TMIGD1: variants seen among roughly 807,000 people sequenced by gnomAD.
TMIGD1 encodes transmembrane and immunoglobulin domain-containing protein 1.
Under a neutral mutation model 27.5 loss-of-function variants are expected in TMIGD1, and 29 were observed. The ratio of observed to expected loss-of-function variants is 1.05; its 90% CI spans 0.78 to 1.44. The LOEUF (loss-of-function observed/expected upper bound fraction) is 1.44. Among genes scored for constraint, TMIGD1 ranks in the 40% most tolerant of loss-of-function variants. The pLI is 0.00. For missense variants in TMIGD1, 334 were observed against 310.6 expected (o/e 1.08, Z -0.57); for synonymous variants, 109 against 110.3 (o/e 0.99, Z 0.07).
intron 4 of TMIGD1, among the ~76,000 whole-genome samples, chr17:30,322,903 G>A (rs892246006): frequency 2.0e-5 from 3 of 152,198 alleles, no homozygotes; most frequent in Non-Finnish European, 2.9e-5. Context: ...GGGCATGGTG[G>A]TTCATGCCTG....
chr17:30,326,580 T>C (rs948674387), intron 3 of TMIGD1, among the ~76,000 whole-genome samples: 2 of 152,234 alleles, frequency 1.3e-5, no homozygotes, highest in Non-Finnish European at 2.9e-5. Flanking sequence ...AGATCTAGCT[T>C]ATTGCTTTTA....
intron 1 of TMIGD1, among the ~76,000 whole-genome samples, chr17:30,332,461 T>TTTTAGCAGAA (rs1478926453): frequency 6.6e-6 from 1 of 152,176 alleles, no homozygotes; most frequent in Non-Finnish European, 1.5e-5. Context: ...TAGAATTTCA[T>TTTTAGCAGAA]TTTAGCAGAA....
At chr17:30,328,301 G>C (rs768660084) in intron 3 of TMIGD1, among the ~76,000 whole-genome samples, 18 of 152,144 alleles carry the variant, frequency 1.2e-4, no homozygotes, top group South Asian at 2.1e-4. Flanking sequence ...CTCCCAAAGT[G>C]TTGGGATTAC....
chr17:30,332,224 T>C (rs912538549), intron 1 of TMIGD1, 66 bp from the exon 2 acceptor site: 4 of 870,334 alleles, frequency 4.6e-6, no homozygotes, highest in South Asian at 1.6e-5. Flanking sequence ...ACCTTCCTTC[T>C]GTCTATTATG....
At chr17:30,326,237 C>G (rs1909770361) in intron 3 of TMIGD1, among the ~76,000 whole-genome samples, 2 of 152,270 alleles carry the variant, frequency 1.3e-5, no homozygotes, top group South Asian at 4.2e-4. Flanking sequence ...CATTTGTGGA[C>G]AGATTCTGTT....
chr17:30,324,781 G>T (rs750005072), intron 4 of TMIGD1, 35 bp downstream of exon 4: 27 of 1,596,294 alleles, frequency 1.7e-5, no homozygotes, highest in Non-Finnish European at 2.2e-5. Flanking sequence ...TGTGAGTTTT[G>T]CACTGTGCTG....
chr17:30,317,930 C>T (rs945826430), intron 5 of TMIGD1, among the ~76,000 whole-genome samples: 5 of 151,074 alleles, frequency 3.3e-5, no homozygotes, highest in Non-Finnish European at 7.4e-5. Flanking sequence ...TAGCCGGGCA[C>T]GGTGGTGCAT....
Position 30,332,202 on chromosome 17 carries a change from A to G in TMIGD1, c.-25-44T>C, listed in dbSNP as rs1163318505. On this transcript the variant is annotated intron_variant, in intron 1 of 6. Coordinates refer to ENST00000328886, the MANE Select transcript of TMIGD1 (RefSeq NM_206832.3). ...AGTTGGTTTTGTACTTTGGTCTGCAATGAGTTCGTGAACCTTCCTTCTGTC... is the reference window on the plus strand; with the variant it reads ...AGTTGGTTTTGTACTTTGGTCTGCAGTGAGTTCGTGAACCTTCCTTCTGTC... 1.5e-5 allele frequency: 19 copies of G among 1,230,586 alleles called. No homozygotes were observed. In the South Asian group the frequency reaches 2.2e-4, roughly 14 times the overall value. 76.2% of individuals were successfully genotyped at this position (1,230,586 alleles called of 1,614,324 possible).
At chr17:30,327,583 A>G (rs1346042696) in intron 3 of TMIGD1, among the ~76,000 whole-genome samples, 3 of 147,948 alleles carry the variant, frequency 2.0e-5, no homozygotes, top group African/African-American at 5.3e-5. Flanking sequence ...TTTTTGAGAC[A>G]GGGTCTCACT....
chr17:30,319,261 A>AAAAAAAAAATATATATATATATATATAT, intron 4 of TMIGD1, among the ~76,000 whole-genome samples: 2 of 69,040 alleles, frequency 2.9e-5, no homozygotes, highest in East Asian at 2.6e-4. Flanking sequence ...AAAAAAAAAA[A>AAAAAAAAAATATATATATATATATATAT]ATATATATAT....
In TMIGD1 at chr17:30,316,659, C is replaced by G; in HGVS notation, c.*28G>C. 5 of 1,612,614 alleles carry G rather than the reference C, an allele frequency of 3.1e-6. No individual in the cohort carries two copies. Among genetic ancestry groups the G allele is most frequent in the Non-Finnish European group, 3.4e-6 (4 of 1,179,146 alleles). On this transcript the variant is annotated 3_prime_UTR_variant, in exon 7 of 7. Coordinates refer to ENST00000328886, the MANE Select transcript of TMIGD1 (RefSeq NM_206832.3). ...TGTGGAGGTCCTGATGCAAAACTCT[C>G]TCTGTATTCGATGGCATCTCAGCTT... is the stretch of plus-strand genomic sequence containing the variant.
chr17:30,321,010 A>C (rs1260912646), intron 4 of TMIGD1, among the ~76,000 whole-genome samples: 1 of 152,134 alleles, frequency 6.6e-6, no homozygotes, highest in Non-Finnish European at 1.5e-5. Flanking sequence ...GGTGTACACC[A>C]CCATGCCCAG....
chr17:30,316,737 G>GA lies in TMIGD1; in HGVS notation c.786-48dup, dbSNP rs763536966. Reference sequence around the variant, plus strand: ...ATAATAATGATGCTCATAGCAATAAGAAAAAAATTCAAAACAAAACCCATA... The same window carrying GA: ...ATAATAATGATGCTCATAGCAATAAGAAAAAAAATTCAAAACAAAACCCATA... On this transcript the variant is annotated intron_variant, in intron 6 of 6. Transcript: ENST00000328886. 7 of 1,590,624 alleles carry GA rather than the reference G, an allele frequency of 4.4e-6. No individual in the cohort carries two copies. The South Asian group carries it at 5.6e-5, about 13-fold the overall frequency.
Position 30,332,153 on chromosome 17 carries a change from GATCT to G in TMIGD1, c.-24_-21del, listed in dbSNP as rs775710976. The G allele has an allele frequency of 6.3e-7, 1 of 1,597,600 alleles. No individual in the cohort carries two copies. Among genetic ancestry groups the G allele is most frequent in the African/African-American group, 1.3e-5 (1 of 74,174 alleles). On this transcript the variant is annotated splice_region_variant and 5_prime_UTR_variant, in exon 2 of 7. Coordinates refer to ENST00000328886, the MANE Select transcript of TMIGD1 (RefSeq NM_206832.3). ...TGCCATCTTTAATGAGTTAAACTCA[GATCT>G]ACTAAGGGAAAAATAGTGCAGTTGG... is the stretch of plus-strand genomic sequence containing the variant.
intron 4 of TMIGD1, among the ~76,000 whole-genome samples, chr17:30,323,862 G>C (rs189022769): frequency 2.6e-5 from 4 of 152,114 alleles, no homozygotes; most frequent in Non-Finnish European, 4.4e-5. Flanking sequence ...TTAGTGCTCC[G>C]CAGGACGAAT....
rs544623554 is a variant in TMIGD1, at chr17:30,322,498, T to TTATA, written c.640+2317_640+2318insTATA. Among the ~76,000 whole-genome samples the TTATA allele has an allele frequency of 1.9e-3, 284 of 152,248 alleles. 2 individuals are homozygous for TTATA. The highest frequency in any genetic ancestry group is 7.2e-3 in the Admixed American group (110 of 15,300). On this transcript the variant is annotated intron_variant, in intron 4 of 6. Coordinates refer to ENST00000328886, the MANE Select transcript of TMIGD1 (RefSeq NM_206832.3). ...GACAGCTCTTACTCTATTTTTTTATTTTTATTTATTTATTTTTTGAGACAG... is the reference window on the plus strand; with the variant it reads ...GACAGCTCTTACTCTATTTTTTTATTTATATTTATTTATTTATTTTTTGAGACAG...
At chr17:30,326,585 C>T (rs1909782554) in intron 3 of TMIGD1, among the ~76,000 whole-genome samples, 1 of 152,010 alleles carries the variant, frequency 6.6e-6, no homozygotes, top group South Asian at 2.1e-4. Flanking sequence ...TAGCTTATTG[C>T]TTTTAGAATG....
At position 30,327,388 on chromosome 17, in the gene TMIGD1, G is replaced by A. The variant is rs146651961; in HGVS notation, c.361+1863C>T. On this transcript the variant is annotated intron_variant, in intron 3 of 6. Coordinates refer to ENST00000328886, the MANE Select transcript of TMIGD1 (RefSeq NM_206832.3). ...GCTGAGATTGTGCCACTGCACTCCA[G>A]TGTAGGTGACAGAGTGAGACCCTGT... Among the ~76,000 whole-genome samples the A allele has an allele frequency of 4.9e-4, 73 of 150,496 alleles. 1 individual carries two copies. In the East Asian group the frequency reaches 0.012, roughly 26 times the overall value.
intron 4 of TMIGD1, among the ~76,000 whole-genome samples, chr17:30,323,845 G>A (rs1909691661): frequency 1.3e-5 from 2 of 151,862 alleles, no homozygotes; most frequent in Non-Finnish European, 2.9e-5. Context: ...TAGCCCCTGA[G>A]CAATTGTTAG....
Sources: allele counts gnomAD v4.1 joint callset (sites outside exome capture counted in the v4.1 genomes callset), GRCh38; gene constraint gnomAD v4.1.1; transcripts MANE v1.5; gene names NCBI Gene and HGNC (gene_info 2026-07-23, HGNC 2026-07-21).